Variants in EMSY observed in about 807,000 individuals in gnomAD.
EMSY encodes the protein EMSY transcriptional repressor, BRCA2 interacting.
Under a neutral mutation model 134.6 loss-of-function variants are expected in EMSY, and 26 were observed. The ratio of observed to expected loss-of-function variants is 0.19; its 90% CI spans 0.14 to 0.27. The LOEUF is 0.27. EMSY is among the 10% of genes least tolerant of loss of function. EMSY has a pLI of 1.00. For missense variants in EMSY, 1,305 were observed against 1,611.4 expected, an observed-to-expected ratio of 0.81 and a Z score of 3.26; for synonymous variants, 579 against 577.8, an observed-to-expected ratio of 1.00 and a Z score of -0.03.
exon 12 of EMSY, chr11:76,523,248 G>T: frequency 6.2e-7 from 1 of 1,613,704 alleles, no homozygotes; most frequent in Non-Finnish European, 8.5e-7. Context: ...ACCATTCAAG[G>T]CCTCCCGGGC....
intron 14 of EMSY, 43 bp from the exon 16 acceptor site, chr11:76,535,852 C>T (rs1418388160): frequency 7.9e-7 from 1 of 1,263,718 alleles, no homozygotes; most frequent in Non-Finnish European, 1.0e-6. Flanking sequence ...TTAAGAGAAA[C>T]TTTGTTTATA....
chr11:76,458,576 T>G (rs1947971911), intron 5 of EMSY: 1 of 408,014 alleles, frequency 2.5e-6, no homozygotes, highest in Admixed American at 4.4e-5. Flanking sequence ...ATGTTAATCA[T>G]CAAAATTGCA....
intron 20 of EMSY, among the ~76,000 whole-genome samples, chr11:76,546,862 A>G (rs917900650): frequency 6.6e-6 from 1 of 152,226 alleles, no homozygotes; most frequent in Non-Finnish European, 1.5e-5. Flanking sequence ...GGGACTAACC[A>G]TGAACTTTAC....
chr11:76,464,181 T>TA, intron 7 of EMSY, 101 bp downstream of exon 8: 1 of 1,362,330 alleles, frequency 7.3e-7, no homozygotes, highest in South Asian at 1.3e-5. Context: ...TGCTTGGCAT[T>TA]ATGCTGGGGA....
At chr11:76,469,837 C>T (rs2135305481) in intron 7 of EMSY, among the ~76,000 whole-genome samples, 1 of 152,168 alleles carries the variant, frequency 6.6e-6, no homozygotes, top group East Asian at 1.9e-4. Flanking sequence ...TATTGGTCTA[C>T]TTCTCAGCTT....
intron 4 of EMSY, among the ~76,000 whole-genome samples, chr11:76,457,175 C>T (rs7107058): frequency 0.54 from 81,878 of 151,778 alleles, 23,180 homozygotes; most frequent in South Asian, 0.67. Context: ...TTTCCACTGC[C>T]CACTAACAAG....
chr11:76,541,611 G>A (rs1210400748), intron 17 of EMSY, among the ~76,000 whole-genome samples: 3 of 152,206 alleles, frequency 2.0e-5, no homozygotes, highest in Non-Finnish European at 4.4e-5. Context: ...TTTGATGGTA[G>A]AACAGGACAG....
chr11:76,488,032 C>G (rs1000990010), intron 8 of EMSY, among the ~76,000 whole-genome samples: 2 of 152,186 alleles, frequency 1.3e-5, no homozygotes, highest in African/African-American at 2.4e-5. Flanking sequence ...TTCTCTAAGG[C>G]TCGTGTTAAA....
At chr11:76,531,036 A>G (rs969974339) in intron 14 of EMSY, among the ~76,000 whole-genome samples, 5 of 151,924 alleles carry the variant, frequency 3.3e-5, no homozygotes, top group Non-Finnish European at 7.4e-5. Context: ...ATTTTGCCCT[A>G]TTTGCTTTGT....
At chr11:76,455,980 C>T (rs1387920982) in intron 4 of EMSY, among the ~76,000 whole-genome samples, 2 of 152,032 alleles carry the variant, frequency 1.3e-5, no homozygotes, top group Non-Finnish European at 1.5e-5. Flanking sequence ...CTTACTGGTG[C>T]CTTATACACC....
At chr11:76,501,132 T>G (rs1394395553) in intron 9 of EMSY, among the ~76,000 whole-genome samples, 3 of 152,252 alleles carry the variant, frequency 2.0e-5, no homozygotes, top group Non-Finnish European at 4.4e-5. Flanking sequence ...CTTGTATTAT[T>G]TTTTACTGTT....
intron 8 of EMSY, among the ~76,000 whole-genome samples, chr11:76,477,270 G>GT (rs529328999): frequency 0.19 from 26,552 of 139,030 alleles, 2,977 homozygotes; most frequent in Non-Finnish European, 0.27. Flanking sequence ...ATTTATTTCT[G>GT]TTTTTTTTTT....
At position 76,494,804 on chromosome 11, in the gene EMSY, C is replaced by T. The variant is rs147525383; in HGVS notation, c.1109-1411C>T. 4.0e-3 allele frequency among the ~76,000 whole-genome samples: 613 copies of T among 151,740 alleles called. 6 individuals carry two copies. Among genetic ancestry groups the T allele is most frequent in the African/African-American group, 0.014 (585 of 41,318 alleles). The stretch of plus-strand genomic sequence containing the variant: ...AGGCTGGAGTGCAGTAATGCCATCT[C>T]GGTTCACTGCAACCTCTGCTTCCCA... On this transcript the variant is annotated intron_variant, in intron 8 of 20. Transcript: ENST00000334736.
At chr11:76,546,221 C>A (rs776753070) in exon 20 of EMSY, 1 of 1,614,024 alleles carries the variant, frequency 6.2e-7, no homozygotes, top group Non-Finnish European at 8.5e-7. Context: ...GCAGTGCCTG[C>A]GACAGGCCAG....
intron 8 of EMSY, among the ~76,000 whole-genome samples, chr11:76,483,704 C>G (rs541262587): frequency 1.3e-5 from 2 of 152,236 alleles, no homozygotes; most frequent in Admixed American, 1.3e-4. Flanking sequence ...GCTAACTATC[C>G]TAAATATATA....
At chr11:76,547,046 C>G in intron 20 of EMSY, 1 of 454,656 alleles carries the variant, frequency 2.2e-6, no homozygotes. Context: ...TAAAGAATTA[C>G]TGAGTCCAGG....
intron 19 of EMSY, 103 bp from the exon 21 acceptor site, chr11:76,545,694 G>A (rs1951619701): frequency 7.4e-7 from 1 of 1,351,664 alleles, no homozygotes; most frequent in Admixed American, 2.3e-5. Flanking sequence ...TGTCTTCCTA[G>A]TATAGCGCAC....
At chr11:76,506,725 G>A (rs1003673677) in intron 9 of EMSY, among the ~76,000 whole-genome samples, 6 of 152,130 alleles carry the variant, frequency 3.9e-5, no homozygotes, top group Non-Finnish European at 8.8e-5. Flanking sequence ...TGGTGGGAAG[G>A]GGGCACTGTG....
chr11:76,526,970 T>C (rs887643443), intron 13 of EMSY, among the ~76,000 whole-genome samples: 3 of 152,122 alleles, frequency 2.0e-5, no homozygotes, highest in African/African-American at 4.8e-5. Context: ...AAGAAAAATA[T>C]TTACTTTTTA....
Sources: allele counts gnomAD v4.1 joint callset (sites outside exome capture counted in the v4.1 genomes callset), GRCh38; gene constraint gnomAD v4.1.1; transcripts MANE v1.5; gene names NCBI Gene and HGNC (gene_info 2026-07-23, HGNC 2026-07-21).